PDS5B: variants seen among roughly 807,000 people sequenced by gnomAD.
PDS5B encodes the protein PDS5 cohesin associated factor B.
A neutral mutation model predicts 184.1 loss-of-function variants in PDS5B; 51 were observed. That is an observed-to-expected ratio of 0.28 (90% CI 0.22 to 0.35). PDS5B has a LOEUF of 0.35. Among genes scored for constraint, PDS5B ranks in the 10% least tolerant of loss-of-function variants. PDS5B has a pLI of 1.00. For missense variants in PDS5B, 1,180 were observed against 1,723.3 expected (o/e 0.68, Z 5.58); for synonymous variants, 566 against 569.2 (o/e 0.99, Z 0.08).
chr13:32,764,089 G>A (rs138374987), intron 30 of PDS5B, among the ~76,000 whole-genome samples: 132 of 152,046 alleles, frequency 8.7e-4, no homozygotes, highest in African/African-American at 3.0e-3. Flanking sequence ...CGTAATAAAT[G>A]TAATAATTAT....
chr13:32,765,897 C>G (rs941376745), intron 31 of PDS5B, among the ~76,000 whole-genome samples: 1 of 152,184 alleles, frequency 6.6e-6, no homozygotes, highest in African/African-American at 2.4e-5. Flanking sequence ...CCATACTGCC[C>G]GCTGTGAAAG....
chr13:32,697,672 G>T (rs558461878), intron 15 of PDS5B, among the ~76,000 whole-genome samples: 2 of 152,176 alleles, frequency 1.3e-5, no homozygotes, highest in South Asian at 4.1e-4. Context: ...TGGGTAACTT[G>T]CTAAAGCAAG....
At chr13:32,656,836 A>G (rs899089171) in intron 3 of PDS5B, among the ~76,000 whole-genome samples, 3 of 152,160 alleles carry the variant, frequency 2.0e-5, no homozygotes, top group Admixed American at 6.5e-5. Flanking sequence ...GGCTCAAGCC[A>G]TCCACCCGCC....
At chr13:32,742,812 CTTTT>C in intron 23 of PDS5B, 85 bp downstream of exon 23, 1 of 1,108,232 alleles carries the variant, frequency 9.0e-7, no homozygotes, top group Non-Finnish European at 1.3e-6. Context: ...GTTTCTTTTT[CTTTT>C]TTTTTTAAAT....
At chr13:32,747,889 A>C (rs1593592109) in intron 24 of PDS5B, among the ~76,000 whole-genome samples, 1 of 152,228 alleles carries the variant, frequency 6.6e-6, no homozygotes, top group African/African-American at 2.4e-5. Context: ...ACAGTATATA[A>C]GAAGTATGTG....
At chr13:32,760,804 T>A (rs1319947321) in intron 30 of PDS5B, 84 bp downstream of exon 30, 2 of 1,277,866 alleles carry the variant, frequency 1.6e-6, no homozygotes, top group Non-Finnish European at 2.2e-6. Flanking sequence ...CCAAAATGTT[T>A]CATGTCAGTA....
intron 26 of PDS5B, among the ~76,000 whole-genome samples, chr13:32,757,080 C>T (rs913058120): frequency 1.3e-5 from 2 of 151,474 alleles, no homozygotes; most frequent in Non-Finnish European, 2.9e-5. Flanking sequence ...GAGCCAAGAT[C>T]ACACCACTGC....
At chr13:32,739,944 G>A (rs1293078381) in intron 21 of PDS5B, among the ~76,000 whole-genome samples, 2 of 151,876 alleles carry the variant, frequency 1.3e-5, no homozygotes, top group African/African-American at 4.8e-5. Flanking sequence ...AGTCTCTGTT[G>A]TTTCTGGTAG....
intron 1 of PDS5B, among the ~76,000 whole-genome samples, chr13:32,631,220 G>A (rs990598680): frequency 1.3e-5 from 2 of 148,796 alleles, no homozygotes; most frequent in African/African-American, 5.0e-5. Context: ...AGGCTTAGGT[G>A]ATCCTCTCAC....
At chr13:32,588,896 G>A (rs1479001455) in intron 1 of PDS5B, among the ~76,000 whole-genome samples, 3 of 152,240 alleles carry the variant, frequency 2.0e-5, no homozygotes, top group African/African-American at 7.2e-5. Flanking sequence ...GGCTTGCCCT[G>A]GAGAGGGGTG....
chr13:32,766,930 A>G (rs1360443658), intron 31 of PDS5B, among the ~76,000 whole-genome samples: 1 of 152,162 alleles, frequency 6.6e-6, no homozygotes, highest in Admixed American at 6.6e-5. Flanking sequence ...TTAAAATAAG[A>G]AGTGACATTT....
chr13:32,718,993 T>G (rs1283278841), intron 19 of PDS5B, among the ~76,000 whole-genome samples: 1 of 152,208 alleles, frequency 6.6e-6, no homozygotes, highest in Non-Finnish European at 1.5e-5. Flanking sequence ...TACTTTGATT[T>G]TACATATATT....
intron 1 of PDS5B, among the ~76,000 whole-genome samples, chr13:32,633,098 G>A (rs903764418): frequency 2.0e-5 from 3 of 152,204 alleles, no homozygotes; most frequent in African/African-American, 7.2e-5. Context: ...CTTACATGAG[G>A]CACTTAAGGA....
At chr13:32,741,190 C>A in intron 22 of PDS5B, 42 bp downstream of exon 22, 2 of 1,013,554 alleles carry the variant, frequency 2.0e-6, no homozygotes, top group Non-Finnish European at 3.0e-6. Context: ...ATATAATCAC[C>A]ACATTGTAAT....
At chr13:32,770,932 T>C in intron 33 of PDS5B, 171 bp downstream of exon 33, 1 of 602,906 alleles carries the variant, frequency 1.7e-6, no homozygotes, top group Non-Finnish European at 3.0e-6. Context: ...CAATAAACTA[T>C]CTTGTACATT....
chr13:32,589,611 G>GT (rs1287403309), intron 1 of PDS5B, among the ~76,000 whole-genome samples: 1 of 152,208 alleles, frequency 6.6e-6, no homozygotes, highest in Admixed American at 6.5e-5. Context: ...ACAAGATATA[G>GT]TGCGTGCATG....
rs34358183 is a variant in PDS5B, at chr13:32,634,583, C to CTT, written c.-19-14155_-19-14154dup. Among the ~76,000 whole-genome samples, 773 of 138,534 alleles carry CTT rather than the reference C, an allele frequency of 5.6e-3. 12 individuals carry two copies. In the East Asian group the frequency reaches 0.065, roughly 12 times the overall value. The allele number at this position is 138,534 out of a possible 152,430, so 90.9% of individuals were successfully genotyped here. A position where few individuals can be genotyped will look rare whatever the true frequency, so the allele number is the denominator to read the frequency against. On this transcript the variant is annotated intron_variant, in intron 1 of 34. Transcript: ENST00000315596. ...GGTCATATTGTAAGTTTACATTTAA[C>CTT]TTTTTTTTTTTTTTTTTGAGAACAG...
chr13:32,762,172 G>T (rs1055546328), intron 30 of PDS5B, among the ~76,000 whole-genome samples: 2 of 152,118 alleles, frequency 1.3e-5, no homozygotes, highest in African/African-American at 4.8e-5. Context: ...AAAAACAAAA[G>T]GAAAATTAAT....
intron 6 of PDS5B, among the ~76,000 whole-genome samples, chr13:32,660,015 A>G (rs925998010): frequency 2.0e-5 from 3 of 151,210 alleles, no homozygotes; most frequent in Admixed American, 1.3e-4. Context: ...AGACACTACA[A>G]ATAGCAAGAT....
Sources: allele counts gnomAD v4.1 joint callset (sites outside exome capture counted in the v4.1 genomes callset), GRCh38; gene constraint gnomAD v4.1.1; transcripts MANE v1.5; gene names NCBI Gene and HGNC (gene_info 2026-07-23, HGNC 2026-07-21).